Variants in CFAP96 observed in about 807,000 individuals in gnomAD.
CFAP96 encodes the protein cilia-and flagella-associated protein 96.
chr4:185,437,022 T>A, the CFAP96 span, among the ~76,000 whole-genome samples: 4 of 152,180 alleles, frequency 2.6e-5, no homozygotes, highest in Non-Finnish European at 5.9e-5. Flanking sequence ...CTTAGCCATA[T>A]TCCCACCATA....
chr4:185,423,015 C>T, the CFAP96 span, among the ~76,000 whole-genome samples: 12 of 152,194 alleles, frequency 7.9e-5, no homozygotes, highest in South Asian at 2.1e-4. Flanking sequence ...TACACCACCA[C>T]GCCTGGCTAA....
chr4:185,449,532 AAAG>A, the CFAP96 span: 1 of 1,108,592 alleles, frequency 9.0e-7, no homozygotes, highest in Non-Finnish European at 1.3e-6. Flanking sequence ...TAAAAAAAAA[AAAG>A]AATGTACAGG....
At chr4:185,418,737 A>G in the CFAP96 span, 3 of 1,606,212 alleles carry the variant, frequency 1.9e-6, no homozygotes, top group Non-Finnish European at 2.5e-6. Flanking sequence ...CAGGTCACTC[A>G]ACACATGTTT....
the CFAP96 span, among the ~76,000 whole-genome samples, chr4:185,410,944 T>TTA: frequency 2.9e-5 from 1 of 34,404 alleles, no homozygotes; most frequent in Non-Finnish European, 9.9e-5. Flanking sequence ...AGACTCCATC[T>TTA]CAAAAAAAAA....
chr4:185,439,095 A>G, the CFAP96 span, among the ~76,000 whole-genome samples: 1 of 152,244 alleles, frequency 6.6e-6, no homozygotes. Flanking sequence ...AAAACATTAC[A>G]TTATAATCAC....
the CFAP96 span, among the ~76,000 whole-genome samples, chr4:185,411,647 T>C: frequency 6.6e-6 from 1 of 152,176 alleles, no homozygotes; most frequent in Non-Finnish European, 1.5e-5. Context: ...TCTATAATTT[T>C]CCTTGAAATG....
the CFAP96 span, chr4:185,445,092 C>T: frequency 9.0e-6 from 14 of 1,551,508 alleles, no homozygotes; most frequent in African/African-American, 1.4e-5. Flanking sequence ...GACCAAAAAG[C>T]AGACCAGTTG....
chr4:185,438,119 A>G, the CFAP96 span, among the ~76,000 whole-genome samples: 4 of 151,696 alleles, frequency 2.6e-5, no homozygotes, highest in South Asian at 8.3e-4. Context: ...CTATGGGTTT[A>G]TAGTTTTTCA....
chr4:185,439,125 A>G, the CFAP96 span, among the ~76,000 whole-genome samples: 1 of 152,244 alleles, frequency 6.6e-6, no homozygotes, highest in Admixed American at 6.5e-5. Context: ...AATCACTGTT[A>G]AAACTGCAGA....
At chr4:185,408,521 TC>T in the CFAP96 span, 3 of 1,359,962 alleles carry the variant, frequency 2.2e-6, no homozygotes, top group Non-Finnish European at 3.0e-6. Context: ...TGTTTAATGT[TC>T]TTAGAGTTAG....
chr4:185,441,075 A>G, the CFAP96 span, among the ~76,000 whole-genome samples: 7 of 151,874 alleles, frequency 4.6e-5, no homozygotes, highest in Non-Finnish European at 1.0e-4. Context: ...ATCAGCCTCC[A>G]GAGTAGCTGA....
At chr4:185,440,013 A>AC in the CFAP96 span, among the ~76,000 whole-genome samples, 1 of 147,156 alleles carries the variant, frequency 6.8e-6, no homozygotes, top group Non-Finnish European at 1.5e-5. Context: ...AGATATAGAT[A>AC]ATCTCATATA....
chr4:185,444,196 A>G, the CFAP96 span, among the ~76,000 whole-genome samples: 3 of 144,378 alleles, frequency 2.1e-5, no homozygotes, highest in Admixed American at 6.8e-5. Context: ...CTCATGATCC[A>G]CCCGCCTCGG....
the CFAP96 span, chr4:185,426,557 G>C: frequency 6.6e-6 from 1 of 152,420 alleles, no homozygotes; most frequent in African/African-American, 2.4e-5. Context: ...GCAAGGGAAC[G>C]TGCCATAATT....
At chr4:185,425,477 G>A in the CFAP96 span, among the ~76,000 whole-genome samples, 11 of 152,176 alleles carry the variant, frequency 7.2e-5, no homozygotes, top group Non-Finnish European at 1.5e-4. Context: ...ACCTTGCTGA[G>A]CAATGAGACA....
chr4:185,413,037 G>A, the CFAP96 span, among the ~76,000 whole-genome samples: 1 of 152,192 alleles, frequency 6.6e-6, no homozygotes. Context: ...TGGGCATGGT[G>A]AATCATGCCT....
At chr4:185,418,596 C>T in the CFAP96 span, 8 of 1,612,850 alleles carry the variant, frequency 5.0e-6, no homozygotes, top group Admixed American at 5.0e-5. Flanking sequence ...CTGAATAAAG[C>T]GCAGTATGTT....
the CFAP96 span, among the ~76,000 whole-genome samples, chr4:185,413,102 C>G: frequency 6.6e-6 from 1 of 152,124 alleles, no homozygotes; most frequent in South Asian, 2.1e-4. Context: ...GTCAGGAGTT[C>G]ACGACCAGCC....
chr4:185,422,507 A>C, the CFAP96 span: 2 of 1,611,608 alleles, frequency 1.2e-6, no homozygotes, highest in Non-Finnish European at 1.7e-6. Context: ...CTAGCTGAAA[A>C]GCCAAATCAA....
Sources: gnomAD v4.1 joint callset for allele counts (sites outside exome capture counted in the v4.1 genomes callset) on GRCh38, gnomAD v4.1.1 for gene constraint, MANE v1.5 for transcripts, NCBI Gene and HGNC (gene_info 2026-07-23, HGNC 2026-07-21) for gene names.